The following TAT variants were observed in gnomAD, a reference collection of about 807,000 sequenced individuals.
TAT encodes the protein L-tyrosine:2-oxoglutarate aminotransferase.
Under a neutral mutation model 53.6 loss-of-function variants are expected in TAT, and 35 were observed. The observed-to-expected ratio is 0.65, with a 90% CI of 0.50 to 0.87. The LOEUF is 0.87. TAT is among the 40% of genes least tolerant of loss of function. The pLI, the probability that TAT is intolerant of heterozygous loss-of-function variation, is 0.00. For synonymous variants in TAT, 197 were observed against 206.5 expected (o/e 0.95, Z 0.39); for missense variants, 525 against 571.8 (o/e 0.92, Z 0.83).
At chr16:71,571,732 A>G in intron 6 of TAT, 74 bp from the exon 7 acceptor site, 3 of 1,383,976 alleles carry the variant, frequency 2.2e-6, no homozygotes, top group Non-Finnish European at 2.1e-6. Context: ...AATATCATGT[A>G]ATTTCCCTAT....
intron 3 of TAT, among the ~76,000 whole-genome samples, chr16:71,574,741 A>G (rs2044225387): frequency 1.3e-5 from 2 of 152,196 alleles, no homozygotes. Context: ...GTTGGCTTAC[A>G]AGCTTGAAGT....
At position 71,568,485 on chromosome 16, in the gene TAT, C is replaced by T; in HGVS notation, c.1225-201G>A. 5 of 687,160 alleles carry T rather than the reference C, an allele frequency of 7.3e-6. No homozygotes were observed. The South Asian group carries it at 7.3e-5, about 10-fold the overall frequency. The allele number at this position is 687,160 out of a possible 1,614,324, so 42.6% of individuals were successfully genotyped here. A position where few individuals can be genotyped will look rare whatever the true frequency, so the allele number is the denominator to read the frequency against. Reference sequence around the variant, plus strand: ...ACTTGTGGGACAGGATCAATTTCCTCTCACCTAGAACGTTTGTTTACAACT... The same window carrying T: ...ACTTGTGGGACAGGATCAATTTCCTTTCACCTAGAACGTTTGTTTACAACT... On this transcript the variant is annotated intron_variant, in intron 11 of 11. Transcript: ENST00000355962.
intron 3 of TAT, among the ~76,000 whole-genome samples, chr16:71,574,792 A>T (rs1236078298): frequency 6.6e-6 from 1 of 152,198 alleles, no homozygotes; most frequent in African/African-American, 2.4e-5. Context: ...TGCAAAATTT[A>T]TGTTCAAAAA....
chr16:71,576,310 C>A lies in TAT; in HGVS notation c.106G>T (p.Gly36Cys). The A allele has an allele frequency of 6.2e-7, 1 of 1,614,226 alleles. No homozygotes were observed. The highest frequency in any genetic ancestry group is 8.5e-7 in the Non-Finnish European group (1 of 1,180,054). Residue 36 changes from glycine (G) to cysteine (C), a missense_variant, in exon 2 of 12, where the codon GGC becomes TGC. Gly to Cys is a radical substitution (Grantham distance 159). Coordinates refer to ENST00000355962, the MANE Select transcript of TAT (RefSeq NM_000353.3). ...GRSSVPGKMK[G>C]RKARWSVRPS... ...CTCACAGACCACCTGGCCTTTCTGC[C>A]TTTCATTTTTCCCGGCACAGAGCTT...
rs1244015119 is a variant in TAT, at chr16:71,570,307, G to A, written c.1003C>T (p.Pro335Ser). 1 of 1,614,152 alleles carries A rather than the reference G, an allele frequency of 6.2e-7. No homozygotes were observed. The highest frequency in any genetic ancestry group is 2.2e-5 in the East Asian group (1 of 44,874). The change falls in exon 9 of 12, where the codon CCG becomes TCG. Residue 335 changes from proline to serine, a missense_variant. By Grantham distance (74) the Pro-to-Ser change is moderately conservative (BLOSUM62 -1). Transcript: ENST00000355962. ...AGAGTGTTGTGGTAAAACTCTCCCG[G>A]GGTGCGACATAGGATGCTTTTCAGA... is the stretch of plus-strand genomic sequence containing the variant. ...GALKSILCRT[P>S]GEFYHNTLSF... is the part of the protein sequence containing the mutation.
intron 7 of TAT, among the ~76,000 whole-genome samples, 180 bp from the exon 8 acceptor site, chr16:71,571,011 A>G (rs1001627149): frequency 2.6e-5 from 4 of 152,196 alleles, no homozygotes; most frequent in Admixed American, 2.6e-4. Flanking sequence ...ACACAAAGAC[A>G]TTTAATTTGG....
rs1174512540 is a variant in TAT, at chr16:71,566,279, G to T, written c.*1865C>A. 2 of 152,112 alleles carry T rather than the reference G, an allele frequency of 1.3e-5. No individual in the cohort carries two copies. The highest frequency in any genetic ancestry group is 4.8e-5 in the African/African-American group (2 of 41,408). 9.4% of individuals were successfully genotyped at this position (152,112 alleles called of 1,614,324 possible). Reference sequence around the variant, plus strand: ...TTTATTTTTGTGAAGGACATTAATTGGGTGTGACTGGCAGGGTTGAGACCT... The same window carrying T: ...TTTATTTTTGTGAAGGACATTAATTTGGTGTGACTGGCAGGGTTGAGACCT... On this transcript the variant is annotated 3_prime_UTR_variant, in exon 12 of 12. Transcript: ENST00000355962.
Position 71,569,925 on chromosome 16 carries a change from G to T in TAT, c.1054C>A (p.Leu352Ile), listed in dbSNP as rs758252896. 1 of 1,613,574 alleles carries T rather than the reference G, an allele frequency of 6.2e-7. No homozygotes were observed. Among genetic ancestry groups the T allele is most frequent in the East Asian group, 2.2e-5 (1 of 44,876 alleles). The stretch of plus-strand genomic sequence containing the variant: ...ATGGCAGCCAACGCCCCATAACAGA[G>T]ATCAGCATTGGACTACAAGAAGAGG... ...TLSFLKSNAD[L>I]CYGALAAIPG... Residue 352 changes from leucine to isoleucine, a missense_variant, in exon 10 of 12, where the codon CTC (leucine) becomes ATC (isoleucine). Leu to Ile is a conservative substitution (Grantham distance 5, BLOSUM62 2). Coordinates refer to ENST00000355962, the MANE Select transcript of TAT (RefSeq NM_000353.3).
intron 7 of TAT, among the ~76,000 whole-genome samples, chr16:71,571,278 C>A (rs2044201194): frequency 6.6e-6 from 1 of 152,082 alleles, no homozygotes. Flanking sequence ...AGGATAGTAC[C>A]CCTAATCAAG....
chr16:71,568,569 C>T (rs1386743712), intron 11 of TAT, 142 bp downstream of exon 11: 1 of 778,320 alleles, frequency 1.3e-6, no homozygotes. Context: ...TAAATAGGAT[C>T]CATGAGACAC....
At chr16:71,569,780 T>C in intron 10 of TAT, 74 bp downstream of exon 10, 1 of 1,421,860 alleles carries the variant, frequency 7.0e-7, no homozygotes, top group Non-Finnish European at 9.8e-7. Context: ...TGACTGCCTG[T>C]GGCAATTCTG....
intron 8 of TAT, 38 bp from the exon 9 acceptor site, chr16:71,570,435 T>G (rs769447055): frequency 1.1e-5 from 17 of 1,614,072 alleles, no homozygotes; most frequent in Non-Finnish European, 1.4e-5. Context: ...GTTTAGCTTT[T>G]CTTAAGCATC....
chr16:71,570,820 A>G lies in TAT; in HGVS notation c.771T>C (p.Asp257=), dbSNP rs762945853. ...DEIYGDMVFS[D]CKYEPLATLS... is the part of the protein sequence containing the mutation. ...GGGTGGCCAGTGGTTCATATTTGCA[A>G]TCCGAAAACACCTGAGAAGAGGCAC... Residue 257 remains aspartate (D), a synonymous_variant, in exon 8 of 12, where the codon GAT becomes GAC. Transcript: ENST00000355962. The G allele has an allele frequency of 2.5e-6, 4 of 1,614,094 alleles. No homozygotes were observed.
intron 7 of TAT, among the ~76,000 whole-genome samples, chr16:71,571,159 T>C (rs973742879): frequency 2.5e-4 from 38 of 152,186 alleles, no homozygotes; most frequent in African/African-American, 8.4e-4. Flanking sequence ...CACAATCCCT[T>C]ATCTGAAATT....
chr16:71,573,481 T>G lies in TAT; in HGVS notation c.408+58A>C, dbSNP rs2432520. On this transcript the variant is annotated intron_variant, in intron 4 of 11. Coordinates refer to ENST00000355962, the MANE Select transcript of TAT (RefSeq NM_000353.3). ...GTACTTCTTGTGGAACAGAAACAAG[T>G]AAAAAGGGATAGTTTGCCCTAAATT... 0.63 allele frequency: 921,048 copies of G among 1,463,614 alleles called. 295,076 individuals carry two copies. The highest frequency in any genetic ancestry group is 0.75 in the African/African-American group (53,544 of 71,198). 90.7% of individuals were successfully genotyped at this position (1,463,614 alleles called of 1,614,324 possible).
chr16:71,569,250 C>CA (rs2044183603), intron 10 of TAT, among the ~76,000 whole-genome samples: 1 of 152,104 alleles, frequency 6.6e-6, no homozygotes, highest in African/African-American at 2.4e-5. Flanking sequence ...TTGAGAATTA[C>CA]AATGGTATGA....
rs1395060778 is a variant in TAT, at chr16:71,566,052, G to A, written c.*2092C>T. 1 of 152,166 alleles carries A rather than the reference G, an allele frequency of 6.6e-6. No homozygotes were observed. Among genetic ancestry groups the A allele is most frequent in the Non-Finnish European group, 1.5e-5 (1 of 68,026 alleles). 9.4% of individuals were successfully genotyped at this position (152,166 alleles called of 1,614,324 possible). A position where few individuals can be genotyped will look rare whatever the true frequency, so the allele number is the denominator to read the frequency against. On this transcript the variant is annotated 3_prime_UTR_variant, in exon 12 of 12. Transcript: ENST00000355962. ...GTCTTCCTGTTTATTTCTGGTTAGAGATCTTTGGGGGCTTGGATGGAGGAA... is the reference window on the plus strand; with the variant it reads ...GTCTTCCTGTTTATTTCTGGTTAGAAATCTTTGGGGGCTTGGATGGAGGAA...
chr16:71,572,416 T>C, intron 5 of TAT, 92 bp from the exon 6 acceptor site: 1 of 1,606,058 alleles, frequency 6.2e-7, no homozygotes, highest in Non-Finnish European at 8.5e-7. Context: ...AGCAATAAAG[T>C]CTGTCTCTGG....
At position 71,575,850 on chromosome 16, in the gene TAT, G is replaced by A. The variant is rs779303242; in HGVS notation, c.340+72C>T. 2.2e-6 allele frequency: 3 copies of A among 1,375,274 alleles called. No homozygotes were observed. The South Asian group carries it at 3.5e-5, about 16-fold the overall frequency. The allele number at this position is 1,375,274 out of a possible 1,614,324, so 85.2% of individuals were successfully genotyped here. On this transcript the variant is annotated intron_variant, in intron 3 of 11. Coordinates refer to ENST00000355962, the MANE Select transcript of TAT (RefSeq NM_000353.3). ...ATCAGGAAAGTGAAGAGGATTGCTA[G>A]ACATTTAGTCCTGTTATAAGAGCAC...
Sources: allele counts gnomAD v4.1 joint callset (sites outside exome capture counted in the v4.1 genomes callset), GRCh38; gene constraint gnomAD v4.1.1; transcripts MANE v1.5; gene names NCBI Gene and HGNC (gene_info 2026-07-23, HGNC 2026-07-21).